MDGA2: variants seen among roughly 807,000 people sequenced by gnomAD.
MDGA2 encodes MAM domain-containing glycosylphosphatidylinositol anchor protein 2.
MDGA2 carries 40 observed loss-of-function variants against 117.8 expected under a neutral mutation model. The ratio of observed to expected loss-of-function variants is 0.34; its 90% CI spans 0.26 to 0.44. The LOEUF is 0.44. Ranked by LOEUF, MDGA2 falls within the 20% of genes least tolerant of loss-of-function variation. MDGA2 has a pLI of 1.00. For synonymous variants in MDGA2, 452 were observed against 439.0 expected (o/e 1.03, Z -0.37); for missense variants, 1,123 against 1,250.6 (o/e 0.90, Z 1.54).
chr14:47,032,183 T>C (rs888637685), intron 8 of MDGA2, among the ~76,000 whole-genome samples: 1 of 152,204 alleles, frequency 6.6e-6, no homozygotes, highest in East Asian at 1.9e-4. Context: ...GGTATACATA[T>C]GTATATCCAC....
intron 1 of MDGA2, among the ~76,000 whole-genome samples, chr14:47,658,235 T>C (rs1897781637): frequency 6.6e-6 from 1 of 152,090 alleles, no homozygotes; most frequent in Non-Finnish European, 1.5e-5. Context: ...TTATGTAACA[T>C]GAGCAGGGGA....
intron 1 of MDGA2, among the ~76,000 whole-genome samples, chr14:47,306,842 GGAGAGA>G (rs10629208): frequency 2.8e-4 from 41 of 146,622 alleles, no homozygotes; most frequent in East Asian, 4.2e-4. Flanking sequence ...AGAGAAAGAG[GGAGAGA>G]GAGAGAGAGA....
intron 8 of MDGA2, 38 bp from the exon 9 acceptor site, chr14:46,957,681 A>T (rs1475375374): frequency 6.2e-7 from 1 of 1,608,558 alleles, no homozygotes; most frequent in Non-Finnish European, 8.5e-7. Flanking sequence ...GAAAGATGTG[A>T]CTTGCAATAA....
At chr14:47,219,678 C>A (rs1478748187) in intron 2 of MDGA2, among the ~76,000 whole-genome samples, 1 of 151,754 alleles carries the variant, frequency 6.6e-6, no homozygotes, top group Non-Finnish European at 1.5e-5. Flanking sequence ...GATATAAATG[C>A]TAAACGATAG....
chr14:46,917,345 A>G (rs1188591838), intron 10 of MDGA2, among the ~76,000 whole-genome samples: 2 of 152,242 alleles, frequency 1.3e-5, no homozygotes, highest in Non-Finnish European at 2.9e-5. Context: ...AAGAATTGCC[A>G]TAACTGTTTG....
Position 47,344,590 on chromosome 14 carries a change from T to TTTTG in MDGA2, c.281-43044_281-43041dup, listed in dbSNP as rs765445004. The stretch of plus-strand genomic sequence containing the variant: ...AAATCTCTGTTGTTATTTTCTTTGT[T>TTTTG]TTTGTTTGTTTGTTTGTTTTGATTT... On this transcript the variant is annotated intron_variant, in intron 1 of 16. Transcript: ENST00000399232. 2.6e-5 allele frequency among the ~76,000 whole-genome samples: 4 copies of TTTTG among 152,174 alleles called. No individual in the cohort carries two copies. The East Asian group carries it at 5.8e-4, about 22-fold the overall frequency.
intron 2 of MDGA2, among the ~76,000 whole-genome samples, chr14:47,258,156 T>C (rs1191183156): frequency 6.6e-6 from 1 of 152,158 alleles, no homozygotes; most frequent in Non-Finnish European, 1.5e-5. Flanking sequence ...TGTAGTATGT[T>C]CATTTGCTGG....
intron 4 of MDGA2, among the ~76,000 whole-genome samples, chr14:47,142,397 C>A (rs1208241352): frequency 1.3e-5 from 2 of 152,046 alleles, no homozygotes; most frequent in African/African-American, 4.8e-5. Context: ...GAGTGGAGAT[C>A]ATGCCACTGC....
At chr14:47,298,544 A>G (rs991434542) in intron 2 of MDGA2, among the ~76,000 whole-genome samples, 2 of 152,142 alleles carry the variant, frequency 1.3e-5, no homozygotes, top group African/African-American at 4.8e-5. Context: ...GCTTTCTCAT[A>G]TCAGCCAAGA....
chr14:47,245,448 C>A (rs1439056043), intron 2 of MDGA2, among the ~76,000 whole-genome samples: 1 of 151,748 alleles, frequency 6.6e-6, no homozygotes, highest in Non-Finnish European at 1.5e-5. Context: ...AAAAATTATA[C>A]ATGGGTTTTC....
At chr14:47,573,746 G>A (rs1896063423) in intron 1 of MDGA2, among the ~76,000 whole-genome samples, 1 of 152,126 alleles carries the variant, frequency 6.6e-6, no homozygotes, top group African/African-American at 2.4e-5. Context: ...GAGAAAATCA[G>A]CTAAAAGCAT....
At chr14:46,896,539 T>C (rs1255492323) in intron 10 of MDGA2, among the ~76,000 whole-genome samples, 1 of 152,036 alleles carries the variant, frequency 6.6e-6, no homozygotes, top group African/African-American at 2.4e-5. Context: ...TATATTACTG[T>C]TATATATTTG....
chr14:47,432,625 GC>G (rs752375941), intron 1 of MDGA2, among the ~76,000 whole-genome samples: 40 of 151,808 alleles, frequency 2.6e-4, no homozygotes, highest in Admixed American at 4.6e-4. Context: ...TACTTTCTGT[GC>G]CCTTCTGACA....
intron 1 of MDGA2, among the ~76,000 whole-genome samples, chr14:47,454,049 T>C (rs1893294723): frequency 6.6e-6 from 1 of 152,216 alleles, no homozygotes; most frequent in East Asian, 1.9e-4. Flanking sequence ...TACTTTGAAA[T>C]CTTTGATTTG....
At chr14:46,989,021 T>C (rs996006930) in intron 8 of MDGA2, among the ~76,000 whole-genome samples, 6 of 152,122 alleles carry the variant, frequency 3.9e-5, no homozygotes, top group African/African-American at 1.4e-4. Context: ...TAATCTCTTT[T>C]CATTTATATC....
chr14:46,897,753 G>A (rs1335827794), intron 10 of MDGA2, among the ~76,000 whole-genome samples: 1 of 151,078 alleles, frequency 6.6e-6, no homozygotes, highest in African/African-American at 2.4e-5. Context: ...TACATGTGTA[G>A]AAAGAGTGCA....
intron 8 of MDGA2, among the ~76,000 whole-genome samples, chr14:46,972,049 G>A (rs1055436054): frequency 4.6e-5 from 7 of 152,106 alleles, no homozygotes; most frequent in Admixed American, 2.0e-4. Flanking sequence ...AACCTGAGGT[G>A]GCAGGGGTTA....
rs1882859053 is a variant in MDGA2 at position 47,144,569 on chromosome 14, C to T, written c.596-295G>A. ...ATGAGAGAGATAAAAATTTACAACA[C>T]TCAAATTCAAGAGCTTAGCCAAAAC... is the stretch of plus-strand genomic sequence containing the variant. On this transcript the variant is annotated intron_variant, in intron 3 of 16. Coordinates refer to ENST00000399232, the MANE Select transcript of MDGA2 (RefSeq NM_001113498.3). 1.3e-5 allele frequency among the ~76,000 whole-genome samples: 2 copies of T among 152,060 alleles called. 1 individual carries two copies. Among genetic ancestry groups the T allele is most frequent in the South Asian group, 4.1e-4 (2 of 4,824 alleles).
intron 3 of MDGA2, among the ~76,000 whole-genome samples, chr14:47,179,532 T>C (rs189905128): frequency 1.3e-5 from 2 of 152,056 alleles, no homozygotes; most frequent in South Asian, 2.1e-4. Context: ...CCTGTATTAA[T>C]TCGAGTCTCA....
Sources: allele counts gnomAD v4.1 joint callset (sites outside exome capture counted in the v4.1 genomes callset), GRCh38; gene constraint gnomAD v4.1.1; transcripts MANE v1.5; gene names NCBI Gene and HGNC (gene_info 2026-07-23, HGNC 2026-07-21).